The following RBPJ variants were observed in gnomAD, a reference collection of about 807,000 sequenced individuals.
The protein encoded by RBPJ is recombining binding protein suppressor of hairless.
A neutral mutation model predicts 67.8 loss-of-function variants in RBPJ; 9 were observed. The observed-to-expected ratio is 0.13, with a 90% confidence interval of 0.08 to 0.23. The LOEUF is 0.23. Among genes scored for constraint, RBPJ ranks in the 10% least tolerant of loss-of-function variants. The pLI is 1.00. For missense variants in RBPJ, 305 were observed against 595.6 expected (o/e 0.51, Z 5.08); for synonymous variants, 198 against 203.3 (o/e 0.97, Z 0.22).
chr4:26,156,843 G>A, the RBPJ span, among the ~76,000 whole-genome samples: 1 of 152,028 alleles, frequency 6.6e-6, no homozygotes, highest in South Asian at 2.1e-4. Flanking sequence ...GCAGAGGCTG[G>A]CAGATTGCTT....
At chr4:26,187,735 A>G (rs1717323835) in intron 1 of RBPJ, among the ~76,000 whole-genome samples, 2 of 152,024 alleles carry the variant, frequency 1.3e-5, no homozygotes, top group Non-Finnish European at 2.9e-5. Flanking sequence ...AAATTAGTAG[A>G]TGGGGGCTGG....
chr4:26,401,566 G>C (rs947433662), intron 2 of RBPJ, among the ~76,000 whole-genome samples: 7 of 152,162 alleles, frequency 4.6e-5, no homozygotes, highest in African/African-American at 1.7e-4. Flanking sequence ...CAAATACCAA[G>C]TTTGTGTCCT....
chr4:26,319,332 C>T (rs1020484075), upstream of RBPJ, among the ~76,000 whole-genome samples: 4 of 152,200 alleles, frequency 2.6e-5, no homozygotes, highest in African/African-American at 7.2e-5. Context: ...AGGCTCCCCA[C>T]CCCTCGTCTT....
At chr4:26,369,021 T>C (rs1728896929) in intron 1 of RBPJ, among the ~76,000 whole-genome samples, 1 of 152,226 alleles carries the variant, frequency 6.6e-6, no homozygotes, top group African/African-American at 2.4e-5. Flanking sequence ...CAGATTTTGC[T>C]TATTTTGTTG....
the RBPJ span, among the ~76,000 whole-genome samples, chr4:26,125,643 A>T: frequency 2.0e-5 from 3 of 152,068 alleles, no homozygotes; most frequent in African/African-American, 7.2e-5. Flanking sequence ...TACCAAAAAT[A>T]CAAAAATTAG....
the RBPJ span, among the ~76,000 whole-genome samples, chr4:26,120,443 C>T: frequency 6.6e-5 from 10 of 152,172 alleles, no homozygotes; most frequent in Admixed American, 1.3e-4. Context: ...ATCGTTCTCT[C>T]GGTACCTCTA....
At position 26,386,398 on chromosome 4, in the gene RBPJ, A is replaced by G. The variant is rs1284964548; in HGVS notation, c.59+7A>G. 2.5e-6 allele frequency: 4 copies of G among 1,579,668 alleles called. No homozygotes were observed. Among genetic ancestry groups the G allele is most frequent in the Non-Finnish European group, 3.5e-6 (4 of 1,158,962 alleles). The stretch of plus-strand genomic sequence containing the variant: ...CACCTAAACGACTTACTAGGTGAGT[A>G]TTATATTAGTCAGCTTTTTACACAT... On this transcript the variant is annotated splice_region_variant and intron_variant, in intron 2 of 10. Coordinates refer to ENST00000355476, the MANE Select transcript of RBPJ (RefSeq NM_015874.6).
intron 1 of RBPJ, among the ~76,000 whole-genome samples, chr4:26,332,082 A>C (rs1238260282): frequency 1.3e-5 from 2 of 152,228 alleles, no homozygotes; most frequent in Non-Finnish European, 2.9e-5. Flanking sequence ...CATGTCAAGG[A>C]AGTGAATTAA....
At chr4:26,329,167 A>G (rs1275759210) in intron 1 of RBPJ, among the ~76,000 whole-genome samples, 1 of 151,830 alleles carries the variant, frequency 6.6e-6, no homozygotes, top group Non-Finnish European at 1.5e-5. Context: ...CTAATTTTGT[A>G]TTTTCAGTAG....
chr4:26,117,048 T>A, the RBPJ span, among the ~76,000 whole-genome samples: 1 of 152,194 alleles, frequency 6.6e-6, no homozygotes, highest in South Asian at 2.1e-4. Flanking sequence ...AGAGGAAAAG[T>A]CATATAGGTT....
intron 1 of RBPJ, among the ~76,000 whole-genome samples, chr4:26,255,872 A>G (rs911575529): frequency 1.3e-5 from 2 of 150,312 alleles, no homozygotes; most frequent in Non-Finnish European, 2.9e-5. Flanking sequence ...ATTTTGAGAA[A>G]TGGAGAAACC....
chr4:26,163,425 T>TAG (rs560902733), upstream of RBPJ: 286 of 151,932 alleles, frequency 1.9e-3, 2 homozygotes, highest in African/African-American at 6.8e-3. Context: ...TTTTTTCCCT[T>TAG]AGAGAGAGAG....
intron 1 of RBPJ, among the ~76,000 whole-genome samples, chr4:26,348,735 AC>A (rs1726454435): frequency 6.6e-6 from 1 of 151,938 alleles, no homozygotes. Flanking sequence ...ACAAGGTCTC[AC>A]TTTATCACTC....
chr4:26,315,167 A>AATATATATATATATATAT (rs67496694), upstream of RBPJ, among the ~76,000 whole-genome samples: 6 of 74,758 alleles, frequency 8.0e-5, no homozygotes, highest in Non-Finnish European at 1.4e-4. Context: ...AAAAAAAAAA[A>AATATATATATATATATAT]ATATATATAT....
chr4:26,331,731 T>C (rs951916243), intron 1 of RBPJ, among the ~76,000 whole-genome samples: 4 of 152,350 alleles, frequency 2.6e-5, no homozygotes. Flanking sequence ...CAGTTGCTCC[T>C]ACTCGAGAAC....
At chr4:26,389,605 T>C (rs944882804) in intron 2 of RBPJ, among the ~76,000 whole-genome samples, 4 of 149,978 alleles carry the variant, frequency 2.7e-5, no homozygotes, top group African/African-American at 9.8e-5. Context: ...ATTACCAATA[T>C]CAAGAACAAG....
intron 1 of RBPJ, among the ~76,000 whole-genome samples, chr4:26,365,328 T>G (rs1208549931): frequency 6.6e-6 from 1 of 152,134 alleles, no homozygotes; most frequent in African/African-American, 2.4e-5. Flanking sequence ...CTTTTTCTCA[T>G]CAGTGAAAGA....
At chr4:26,416,992 A>T (rs1463147902) in intron 4 of RBPJ, among the ~76,000 whole-genome samples, 1 of 152,250 alleles carries the variant, frequency 6.6e-6, no homozygotes. Flanking sequence ...CTATTTCTAA[A>T]TTATGATCCC....
In RBPJ at chr4:26,177,688, C is replaced by T. The variant is rs141089426; in HGVS notation, c.-167+14074C>T. ...AAAAAATGTGAACCCCAATCCATCA[C>T]CACTAAGAAAGTCAGCTACCTTGTA... On this transcript the variant is annotated intron_variant, in intron 1 of 4. Transcript: ENST00000512351. Among the ~76,000 whole-genome samples the T allele has an allele frequency of 4.3e-3, 655 of 152,192 alleles. 4 individuals are homozygous for T. Among genetic ancestry groups the T allele is most frequent in the African/African-American group, 0.015 (615 of 41,546 alleles).
Sources: gnomAD v4.1 joint callset for allele counts (sites outside exome capture counted in the v4.1 genomes callset) on GRCh38, gnomAD v4.1.1 for gene constraint, MANE v1.5 for transcripts, NCBI Gene and HGNC (gene_info 2026-07-23, HGNC 2026-07-21) for gene names.